The following PDE1C variants were observed in gnomAD, a reference collection of about 807,000 sequenced individuals.
PDE1C encodes dual specificity calcium/calmodulin-dependent 3',5'-cyclic nucleotide phosphodiesterase 1C.
In PDE1C, 62 loss-of-function variants were observed where a neutral mutation model predicts 93.1. The ratio of observed to expected loss-of-function variants is 0.67; its 90% confidence interval spans 0.54 to 0.82. The LOEUF (loss-of-function observed/expected upper bound fraction) is 0.82. Ranked by LOEUF, PDE1C falls within the 40% of genes least tolerant of loss-of-function variation. PDE1C has a pLI of 0.00. For synonymous variants in PDE1C, 325 were observed against 310.1 expected (o/e 1.05, Z -0.50); for missense variants, 742 against 884.6 (o/e 0.84, Z 2.04).
chr7:31,737,556 C>T, the PDE1C span, among the ~76,000 whole-genome samples: 1 of 151,988 alleles, frequency 6.6e-6, no homozygotes, highest in Non-Finnish European at 1.5e-5. Flanking sequence ...AATGCCAGCA[C>T]TTGGGGAGGC....
chr7:31,889,097 A>G (rs1798312405), intron 2 of PDE1C, among the ~76,000 whole-genome samples: 1 of 152,246 alleles, frequency 6.6e-6, no homozygotes, highest in African/African-American at 2.4e-5. Context: ...ATTCACCTGT[A>G]GATTAAATTA....
chr7:31,814,649 T>C (rs78207706), intron 15 of PDE1C, among the ~76,000 whole-genome samples: 4,058 of 150,350 alleles, frequency 0.027, 67 homozygotes, highest in East Asian at 0.067. Flanking sequence ...GATTACCTGG[T>C]CGCACCAGGC....
At chr7:32,076,642 CAAA>C (rs869181797) in intron 3 of PDE1C, among the ~76,000 whole-genome samples, 5 of 40,472 alleles carry the variant, frequency 1.2e-4, no homozygotes, top group Admixed American at 2.8e-4. Context: ...GACTCCATCT[CAAA>C]AAAAAAAAAA....
In PDE1C at chr7:32,387,514, C is replaced by CG. The variant is rs1378767902; in HGVS notation, c.310+40307_310+40308insC. Among the ~76,000 whole-genome samples, 278 of 147,386 alleles carry CG rather than the reference C, an allele frequency of 1.9e-3. 1 individual carries two copies. Among genetic ancestry groups the CG allele is most frequent in the African/African-American group, 6.7e-3 (265 of 39,400 alleles). Reference sequence around the variant, plus strand: ...TGGCCGGGCGGGGGGCTGACCCCCCCACCTCCCTCCCGGACGGGGCGGCTG... The same window carrying CG: ...TGGCCGGGCGGGGGGCTGACCCCCCCGACCTCCCTCCCGGACGGGGCGGCTG... On this transcript the variant is annotated intron_variant, in intron 1 of 1. Coordinates refer to the PDE1C transcript ENST00000672256.
chr7:31,649,715 C>T, the PDE1C span, among the ~76,000 whole-genome samples: 1 of 152,086 alleles, frequency 6.6e-6, no homozygotes, highest in East Asian at 1.9e-4. Context: ...AGTTCTGGGT[C>T]ATGGATTTCA....
chr7:31,724,127 G>A, the PDE1C span, among the ~76,000 whole-genome samples: 50 of 152,164 alleles, frequency 3.3e-4, no homozygotes, highest in Non-Finnish European at 7.3e-5. Context: ...CCTCAGTGCT[G>A]TTATCCTGGC....
intron 2 of PDE1C, among the ~76,000 whole-genome samples, chr7:32,202,908 G>A (rs1805122050): frequency 6.6e-6 from 1 of 151,948 alleles, no homozygotes; most frequent in South Asian, 2.1e-4. Context: ...GTTAACTACA[G>A]GGATTATGTT....
At chr7:31,829,334 A>T (rs1790089662) in intron 11 of PDE1C, among the ~76,000 whole-genome samples, 1 of 152,216 alleles carries the variant, frequency 6.6e-6, no homozygotes, top group Non-Finnish European at 1.5e-5. Flanking sequence ...ATGTAAATAA[A>T]TAAAAAGAAC....
At chr7:32,214,537 A>G (rs956751617) in intron 1 of PDE1C, among the ~76,000 whole-genome samples, 3 of 152,212 alleles carry the variant, frequency 2.0e-5, no homozygotes, top group Admixed American at 2.0e-4. Context: ...GCCGAAGTTG[A>G]GAAGCACTAA....
intron 17 of PDE1C, among the ~76,000 whole-genome samples, chr7:31,769,840 T>C (rs1795370230): frequency 6.6e-6 from 1 of 152,246 alleles, no homozygotes; most frequent in African/African-American, 2.4e-5. Context: ...GGGTATTTTA[T>C]GTAAATGGAA....
At chr7:32,136,460 C>A (rs1244844165) in intron 3 of PDE1C, among the ~76,000 whole-genome samples, 1 of 152,028 alleles carries the variant, frequency 6.6e-6, no homozygotes, top group African/African-American at 2.4e-5. Context: ...AAAGGAAGCA[C>A]AAATAGCACT....
chr7:31,621,789 C>T, the PDE1C span, among the ~76,000 whole-genome samples: 1 of 149,166 alleles, frequency 6.7e-6, no homozygotes, highest in Non-Finnish European at 1.5e-5. Flanking sequence ...ACTAAATGCT[C>T]CAATTAAAAG....
At chr7:32,215,274 A>C (rs1806347218) in intron 1 of PDE1C, among the ~76,000 whole-genome samples, 1 of 152,158 alleles carries the variant, frequency 6.6e-6, no homozygotes, top group Non-Finnish European at 1.5e-5. Flanking sequence ...TCTAGGCTGC[A>C]TGTGCCTTAT....
chr7:31,766,927 A>T (rs1795181918), intron 17 of PDE1C, among the ~76,000 whole-genome samples: 1 of 152,274 alleles, frequency 6.6e-6, no homozygotes, highest in South Asian at 2.1e-4. Context: ...TTTACTATGC[A>T]TTAGCAAACC....
intron 1 of PDE1C, among the ~76,000 whole-genome samples, chr7:32,380,158 C>G (rs1784506245): frequency 6.6e-6 from 1 of 152,130 alleles, no homozygotes; most frequent in Non-Finnish European, 1.5e-5. Context: ...TTTCTCTGTT[C>G]CCTTTTATAG....
intron 2 of PDE1C, among the ~76,000 whole-genome samples, chr7:31,924,263 C>CACAGG (rs1159123729): frequency 6.6e-6 from 1 of 152,158 alleles, no homozygotes; most frequent in Non-Finnish European, 1.5e-5. Flanking sequence ...TCATACCTCA[C>CACAGG]ACAGGACAGA....
intron 14 of PDE1C, among the ~76,000 whole-genome samples, chr7:31,822,674 C>T (rs765334373): frequency 2.0e-5 from 3 of 152,134 alleles, no homozygotes; most frequent in Non-Finnish European, 4.4e-5. Context: ...TATATCCCAA[C>T]ATAATGGCCA....
chr7:32,234,031 C>G (rs186667695), intron 1 of PDE1C, among the ~76,000 whole-genome samples: 2 of 152,004 alleles, frequency 1.3e-5, no homozygotes, highest in Admixed American at 6.5e-5. Context: ...AAAAATTAAA[C>G]AAAACACTTA....
intron 16 of PDE1C, chr7:31,784,353 G>A (rs138951413): frequency 6.6e-6 from 1 of 152,218 alleles, no homozygotes; most frequent in East Asian, 1.9e-4. Context: ...TCACCTCTAG[G>A]TGACTCACCT....
Sources: gnomAD v4.1 joint callset for allele counts (sites outside exome capture counted in the v4.1 genomes callset) on GRCh38, gnomAD v4.1.1 for gene constraint, MANE v1.5 for transcripts, NCBI Gene and HGNC (gene_info 2026-07-23, HGNC 2026-07-21) for gene names.